DHRSX: variants seen among roughly 807,000 people sequenced by gnomAD.
DHRSX encodes polyprenol dehydrogenase.
Under a neutral mutation model 34.0 loss-of-function variants are expected in DHRSX, and 31 were observed. That is an observed-to-expected ratio of 0.91 (90% CI 0.69 to 1.23). DHRSX has a LOEUF of 1.23. Ranked by LOEUF, DHRSX falls within the 50% of genes most tolerant of loss-of-function variation. The pLI, the probability that DHRSX is intolerant of heterozygous loss-of-function variation, is 0.00. For synonymous variants in DHRSX, 201 were observed against 183.8 expected, an observed-to-expected ratio of 1.09 and a Z score of -0.76; for missense variants, 414 against 428.1, an observed-to-expected ratio of 0.97 and a Z score of 0.29.
intron 3 of DHRSX, among the ~76,000 whole-genome samples, chrX:2,380,078 T>C (rs2043185738): frequency 6.6e-6 from 1 of 151,942 alleles, no homozygotes; most frequent in African/African-American, 2.4e-5. Context: ...GGGCAAACCA[T>C]GAGGTCAGGA....
In DHRSX at chrX:2,219,602, G is replaced by A. The variant is rs753033634; in HGVS notation, c.*1439C>T. On this transcript the variant is annotated 3_prime_UTR_variant, in exon 7 of 7. Transcript: ENST00000334651. ...CATCTGGGAACAATCTAGCAGTCAT[G>A]TAAGAAGCACATGCCCCCACAATTA... 2.0e-5 allele frequency: 3 copies of A among 152,270 alleles called. No homozygotes were observed. Among genetic ancestry groups the A allele is most frequent in the East Asian group, 3.9e-4 (2 of 5,188 alleles). The allele number at this position is 152,270 out of a possible 1,614,324, so 9.4% of individuals were successfully genotyped here. A position where few individuals can be genotyped will look rare whatever the true frequency, so the allele number is the denominator to read the frequency against.
At chrX:2,234,941 C>T (rs2015979444) in intron 6 of DHRSX, among the ~76,000 whole-genome samples, 1 of 152,084 alleles carries the variant, frequency 6.6e-6, no homozygotes, top group African/African-American at 2.4e-5. Context: ...GAACTCATGA[C>T]CTCAGGTGAT....
At chrX:2,423,108 A>T (rs1226719385) in intron 2 of DHRSX, among the ~76,000 whole-genome samples, 3 of 150,548 alleles carry the variant, frequency 2.0e-5, no homozygotes, top group Non-Finnish European at 4.4e-5. Flanking sequence ...CAGCCGCCAA[A>T]ATAACTTTTT....
chrX:2,298,329 T>TTG (rs1556456939), intron 3 of DHRSX, among the ~76,000 whole-genome samples: 218 of 151,016 alleles, frequency 1.4e-3, no homozygotes, highest in African/African-American at 4.8e-3. Flanking sequence ...TTTTTTTTTT[T>TTG]TTGTTAGTTC....
chrX:2,478,680 T>C (rs887098185), intron 1 of DHRSX, among the ~76,000 whole-genome samples: 1 of 151,340 alleles, frequency 6.6e-6, no homozygotes, highest in Non-Finnish European at 1.5e-5. Context: ...GTGTATGCAC[T>C]GAAGATATTC....
At chrX:2,490,290 C>T (rs1569346310) in intron 1 of DHRSX, 6 of 1,613,522 alleles carry the variant, frequency 3.7e-6, no homozygotes, top group East Asian at 2.2e-5. Context: ...GGCTCGTCCA[C>T]GATGGAGGCT....
intron 1 of DHRSX, among the ~76,000 whole-genome samples, chrX:2,468,847 T>G (rs1318632240): frequency 3.4e-5 from 5 of 146,462 alleles, no homozygotes; most frequent in Admixed American, 3.4e-4. Context: ...CCTAAGCTTG[T>G]GGCTAAGGGA....
At chrX:2,490,070 A>G (rs776309940) in intron 1 of DHRSX, 50 of 1,613,690 alleles carry the variant, frequency 3.1e-5, no homozygotes, top group Middle Eastern at 1.7e-4. Flanking sequence ...CAGGCCCAGG[A>G]AGTGGGCGGC....
At chrX:2,288,955 G>A (rs1454739560) in intron 4 of DHRSX, among the ~76,000 whole-genome samples, 2 of 152,180 alleles carry the variant, frequency 1.3e-5, no homozygotes, top group African/African-American at 2.4e-5. Context: ...AAAGGTAAAC[G>A]TGGTGGTTGA....
At chrX:2,470,692 T>A (rs745439584) in intron 1 of DHRSX, among the ~76,000 whole-genome samples, 6 of 152,318 alleles carry the variant, frequency 3.9e-5, no homozygotes, top group African/African-American at 1.4e-4. Flanking sequence ...GGCTATAGGA[T>A]GAGACTGTCT....
intron 3 of DHRSX, among the ~76,000 whole-genome samples, chrX:2,357,474 C>A (rs1281467037): frequency 3.5e-4 from 53 of 151,840 alleles, no homozygotes; most frequent in Non-Finnish European, 1.5e-4. Flanking sequence ...AACCGTGGAG[C>A]TTTAAAGATC....
intron 3 of DHRSX, among the ~76,000 whole-genome samples, chrX:2,384,549 T>A (rs913799011): frequency 1.3e-5 from 2 of 152,060 alleles, no homozygotes; most frequent in Admixed American, 6.5e-5. Context: ...AGGATGGAAT[T>A]GAATCTTTCA....
intron 1 of DHRSX, among the ~76,000 whole-genome samples, chrX:2,457,480 C>T (rs1263319366): frequency 6.6e-6 from 1 of 151,318 alleles, no homozygotes; most frequent in Non-Finnish European, 1.5e-5. Flanking sequence ...GAAGACATTC[C>T]CTAAGATGCA....
intron 3 of DHRSX, among the ~76,000 whole-genome samples, chrX:2,350,021 A>T (rs2042770408): frequency 6.6e-6 from 1 of 151,776 alleles, no homozygotes; most frequent in South Asian, 2.1e-4. Flanking sequence ...CCTGGGCGAC[A>T]GAGACTCTGT....
At chrX:2,312,517 T>C (rs1163304392) in intron 3 of DHRSX, among the ~76,000 whole-genome samples, 1 of 151,354 alleles carries the variant, frequency 6.6e-6, no homozygotes, top group African/African-American at 2.4e-5. Context: ...AAGGGGGAGT[T>C]GAACAATGAG....
At chrX:2,458,710 G>T (rs1392048845) in intron 1 of DHRSX, among the ~76,000 whole-genome samples, 1 of 152,084 alleles carries the variant, frequency 6.6e-6, no homozygotes, top group Non-Finnish European at 1.5e-5. Context: ...TAACATTTCA[G>T]TTGGAGGCCA....
intron 3 of DHRSX, among the ~76,000 whole-genome samples, chrX:2,367,204 C>T (rs1294918427): frequency 6.6e-6 from 1 of 152,058 alleles, no homozygotes; most frequent in Admixed American, 6.6e-5. Flanking sequence ...CTTTGGGAGG[C>T]TGAGGTGGGC....
intron 5 of DHRSX, among the ~76,000 whole-genome samples, chrX:2,248,365 G>A (rs769581243): frequency 5.9e-5 from 9 of 151,306 alleles, no homozygotes; most frequent in South Asian, 2.1e-4. Context: ...CCCAGGAGGC[G>A]GAGCTTGCAG....
chrX:2,305,232 T>G (rs897280007), intron 3 of DHRSX, among the ~76,000 whole-genome samples: 2 of 151,720 alleles, frequency 1.3e-5, no homozygotes, highest in African/African-American at 4.8e-5. Context: ...GGGGAGAGCA[T>G]CAGGAAAAAT....
Sources: allele counts gnomAD v4.1 joint callset (sites outside exome capture counted in the v4.1 genomes callset), GRCh38; gene constraint gnomAD v4.1.1; transcripts MANE v1.5; gene names NCBI Gene and HGNC (gene_info 2026-07-23, HGNC 2026-07-21).